CNTNAP5: variants seen among roughly 807,000 people sequenced by gnomAD.
CNTNAP5 encodes contactin associated protein family member 5, also known as contactin-associated protein-like 5.
Under a neutral mutation model 150.2 loss-of-function variants are expected in CNTNAP5, and 72 were observed. The observed-to-expected ratio is 0.48, with a 90% CI of 0.40 to 0.58. CNTNAP5 has a LOEUF of 0.58. Among genes scored for constraint, CNTNAP5 ranks in the 20% least tolerant of loss-of-function variants. The pLI is 0.00. For missense variants in CNTNAP5, 1,636 were observed against 1,626.2 expected (o/e 1.01, Z -0.10); for synonymous variants, 672 against 619.8 (o/e 1.08, Z -1.25).
chr2:124,220,312 A>T (rs1457748729), intron 1 of CNTNAP5, among the ~76,000 whole-genome samples: 1 of 152,112 alleles, frequency 6.6e-6, no homozygotes, highest in African/African-American at 2.4e-5. Context: ...AAGACAAAAA[A>T]TAGGAAAAGA....
chr2:124,712,659 G>A (rs1679830466), intron 13 of CNTNAP5, among the ~76,000 whole-genome samples: 1 of 152,134 alleles, frequency 6.6e-6, no homozygotes, highest in African/African-American at 2.4e-5. Flanking sequence ...AAGGTTCAAT[G>A]TACAGTGAGG....
chr2:124,445,836 G>C (rs1692800669), intron 5 of CNTNAP5, among the ~76,000 whole-genome samples: 1 of 152,146 alleles, frequency 6.6e-6, no homozygotes, highest in Admixed American at 6.6e-5. Flanking sequence ...ACAAACGTTA[G>C]TTCTATTTAA....
chr2:124,747,456 C>A, intron 14 of CNTNAP5, 71 bp downstream of exon 14: 1 of 1,549,980 alleles, frequency 6.5e-7, no homozygotes, highest in Non-Finnish European at 8.9e-7. Context: ...TTCCCCAAGA[C>A]AGAAGGACAT....
At chr2:124,346,897 C>G (rs1405576666) in intron 3 of CNTNAP5, among the ~76,000 whole-genome samples, 1 of 135,238 alleles carries the variant, frequency 7.4e-6, no homozygotes, top group Non-Finnish European at 1.5e-5. Flanking sequence ...ATGGTGAAAC[C>G]TCGTCTCTAT....
intron 1 of CNTNAP5, among the ~76,000 whole-genome samples, chr2:124,068,682 G>A (rs1682224192): frequency 6.6e-6 from 1 of 151,646 alleles, no homozygotes; most frequent in South Asian, 2.1e-4. Flanking sequence ...ACAACTCACG[G>A]CAGTGAAAGT....
At chr2:124,846,495 C>A (rs1234435487) in intron 19 of CNTNAP5, among the ~76,000 whole-genome samples, 1 of 151,964 alleles carries the variant, frequency 6.6e-6, no homozygotes, top group Non-Finnish European at 1.5e-5. Context: ...TTTTTGATTT[C>A]TTTAATTTGG....
At chr2:124,539,270 A>T (rs982798488) in intron 10 of CNTNAP5, among the ~76,000 whole-genome samples, 1 of 152,228 alleles carries the variant, frequency 6.6e-6, no homozygotes, top group African/African-American at 2.4e-5. Flanking sequence ...TAGAATTCCA[A>T]TTAGGCCTTG....
chr2:124,740,413 G>T (rs1402432863), intron 13 of CNTNAP5, among the ~76,000 whole-genome samples: 1 of 152,156 alleles, frequency 6.6e-6, no homozygotes, highest in Admixed American at 6.5e-5. Context: ...TGCAGTGACA[G>T]CCAAGCACCG....
At chr2:124,743,427 T>A (rs1406875642) in intron 13 of CNTNAP5, among the ~76,000 whole-genome samples, 1 of 152,060 alleles carries the variant, frequency 6.6e-6, no homozygotes, top group Non-Finnish European at 1.5e-5. Flanking sequence ...GCTTTACCCA[T>A]CAGCCCCTCC....
At position 124,696,673 on chromosome 2, in the gene CNTNAP5, G is replaced by A. The variant is rs573841275; in HGVS notation, c.2077+48715G>A. 2.2e-4 allele frequency among the ~76,000 whole-genome samples: 34 copies of A among 152,262 alleles called. No homozygotes were observed. The South Asian group carries it at 3.5e-3, about 16-fold the overall frequency. ...CTTAAGAAAACCCAGAACTCAGGGC[G>A]ACTTGCCTTCTGACTGTGTGACTTT... On this transcript the variant is annotated intron_variant, in intron 13 of 23. Transcript: ENST00000682447.
intron 1 of CNTNAP5, among the ~76,000 whole-genome samples, chr2:124,099,251 C>G (rs1683009962): frequency 6.6e-6 from 1 of 152,312 alleles, no homozygotes; most frequent in Non-Finnish European, 1.5e-5. Flanking sequence ...CTTGATTCAA[C>G]TATTCCCATA....
intron 8 of CNTNAP5, among the ~76,000 whole-genome samples, chr2:124,511,013 G>A (rs960828106): frequency 6.6e-6 from 1 of 152,126 alleles, no homozygotes; most frequent in Non-Finnish European, 1.5e-5. Context: ...TGGTCATGAG[G>A]CTCTCTCAAA....
At chr2:124,435,403 G>A (rs1692504821) in intron 5 of CNTNAP5, among the ~76,000 whole-genome samples, 1 of 151,990 alleles carries the variant, frequency 6.6e-6, no homozygotes, top group Admixed American at 6.6e-5. Flanking sequence ...ATGATCAAAG[G>A]CACTTCTGAA....
At chr2:124,216,030 A>T (rs1030804185) in intron 1 of CNTNAP5, among the ~76,000 whole-genome samples, 1 of 152,188 alleles carries the variant, frequency 6.6e-6, no homozygotes, top group African/African-American at 2.4e-5. Flanking sequence ...CCAAACCCTT[A>T]TATATAAAGT....
chr2:124,382,936 G>A (rs539925886), intron 3 of CNTNAP5, among the ~76,000 whole-genome samples: 5 of 151,846 alleles, frequency 3.3e-5, no homozygotes, highest in East Asian at 3.9e-4. Flanking sequence ...AACATTCCTC[G>A]GATTCTGGCA....
At chr2:124,433,583 A>T (rs1692446669) in intron 4 of CNTNAP5, among the ~76,000 whole-genome samples, 2 of 152,226 alleles carry the variant, frequency 1.3e-5, no homozygotes, top group South Asian at 4.1e-4. Context: ...CATAATCACC[A>T]CAATCCCACC....
intron 13 of CNTNAP5, among the ~76,000 whole-genome samples, chr2:124,652,028 TG>T (rs1678334335): frequency 6.6e-6 from 1 of 152,218 alleles, no homozygotes; most frequent in Admixed American, 6.5e-5. Flanking sequence ...GGGTCACCAC[TG>T]GGCCTTTTTC....
intron 1 of CNTNAP5, among the ~76,000 whole-genome samples, chr2:124,130,059 A>G (rs1683809474): frequency 6.6e-6 from 1 of 152,160 alleles, no homozygotes; most frequent in Non-Finnish European, 1.5e-5. Flanking sequence ...TCAAAGCCTC[A>G]AGCTATTGTA....
At chr2:124,319,339 A>T (rs1270984684) in intron 3 of CNTNAP5, among the ~76,000 whole-genome samples, 1 of 152,216 alleles carries the variant, frequency 6.6e-6, no homozygotes, top group Non-Finnish European at 1.5e-5. Flanking sequence ...CTCATTCTCC[A>T]TGATATTAAT....
Sources: allele counts gnomAD v4.1 joint callset (sites outside exome capture counted in the v4.1 genomes callset), GRCh38; gene constraint gnomAD v4.1.1; transcripts MANE v1.5; gene names NCBI Gene and HGNC (gene_info 2026-07-23, HGNC 2026-07-21).